Variants in ZNF3 observed in about 807,000 individuals in gnomAD.
The protein encoded by ZNF3 is C2-H2 type zinc finger protein.
ZNF3 carries 16 observed loss-of-function variants against 36.9 expected under a neutral mutation model. The observed-to-expected ratio is 0.43, with a 90% CI of 0.29 to 0.66. ZNF3 has a LOEUF of 0.66. ZNF3 is among the 30% of genes least tolerant of loss of function. The probability of loss-of-function intolerance (pLI) is 0.13; values close to 1 mark genes in which losing one functional copy is unlikely to be tolerated. For synonymous variants in ZNF3, 201 were observed against 201.9 expected (o/e 1.00, Z 0.04); for missense variants, 462 against 543.1 (o/e 0.85, Z 1.48).
In ZNF3 at chr7:100,077,293, T is replaced by C; in HGVS notation, c.55+10A>G. On this transcript the variant is annotated intron_variant, in intron 3 of 5. Coordinates refer to ENST00000299667, the MANE Select transcript of ZNF3 (RefSeq NM_032924.5). The stretch of plus-strand genomic sequence containing the variant: ...CTGAGTAAAAGAATGAATGAGTCCT[T>C]ATTCCTCACCACTGTCAAGCAGGGC... The C allele has an allele frequency of 6.2e-7, 1 of 1,613,874 alleles. No individual in the cohort carries two copies. The highest frequency in any genetic ancestry group is 1.1e-5 in the South Asian group (1 of 91,072).
intron 2 of ZNF3, chr7:100,079,078 C>T (rs1794597405): frequency 6.6e-6 from 1 of 152,284 alleles, no homozygotes; most frequent in South Asian, 2.1e-4. Context: ...ACAAGCCAGG[C>T]CACTGGCAAT....
chr7:100,070,889 T>C lies in ZNF3; in HGVS notation c.*254A>G. On this transcript the variant is annotated 3_prime_UTR_variant, in exon 6 of 6. Transcript: ENST00000299667. ...CTCTGCTGTGAGAAAAACAGTTTAGTGCAAACTCCTTTCCTAAATGGGGTA... is the reference window on the plus strand; with the variant it reads ...CTCTGCTGTGAGAAAAACAGTTTAGCGCAAACTCCTTTCCTAAATGGGGTA... 5 of 1,275,890 alleles carry C rather than the reference T, an allele frequency of 3.9e-6. No individual in the cohort carries two copies. The highest frequency in any genetic ancestry group is 4.9e-6 in the Non-Finnish European group (5 of 1,011,510). The allele number at this position is 1,275,890 out of a possible 1,614,324, so 79.0% of individuals were successfully genotyped here. A position where few individuals can be genotyped will look rare whatever the true frequency, so the allele number is the denominator to read the frequency against.
At chr7:100,077,189 T>C in intron 3 of ZNF3, 114 bp downstream of exon 3, 2 of 1,293,584 alleles carry the variant, frequency 1.5e-6, no homozygotes, top group Non-Finnish European at 2.2e-6. Context: ...GCGAAGAGTG[T>C]GTCTTATTCA....
At chr7:100,065,489 A>G (rs1224880248), downstream of ZNF3, among the ~76,000 whole-genome samples, 1 of 151,946 alleles carries the variant, frequency 6.6e-6, no homozygotes. Context: ...GCCAGGGGCC[A>G]TGTTGAACTG....
In ZNF3 at chr7:100,070,161, T is replaced by G; in HGVS notation, c.*982A>C. ...CTTCTCTGGGCTTCGTTTTTTTGTT[T>G]TTTTGTTTTTTTTTTCTCCCTTTTG... On this transcript the variant is annotated 3_prime_UTR_variant, in exon 6 of 6. Transcript: ENST00000299667. 1 of 966,678 alleles carries G rather than the reference T, an allele frequency of 1.0e-6. No homozygotes were observed. The highest frequency in any genetic ancestry group is 1.2e-6 in the Non-Finnish European group (1 of 822,982). The allele number at this position is 966,678 out of a possible 1,614,324, so 59.9% of individuals were successfully genotyped here. A position where few individuals can be genotyped will look rare whatever the true frequency, so the allele number is the denominator to read the frequency against.
In ZNF3 at chr7:100,081,481, G is replaced by C. The variant is rs1426735105; in HGVS notation, c.-198+154C>G. Among the ~76,000 whole-genome samples the C allele has an allele frequency of 6.6e-6, 1 of 152,218 alleles. No homozygotes were observed. Among genetic ancestry groups the C allele is most frequent in the Non-Finnish European group, 1.5e-5 (1 of 68,038 alleles). ...GGGGGATCCCTGGGGAAGCGGAGTA[G>C]AGGACGGGCTGCAGGGGACGGAGGG... On this transcript the variant is annotated intron_variant, in intron 1 of 5. Coordinates refer to ENST00000299667, the MANE Select transcript of ZNF3 (RefSeq NM_032924.5). The surrounding 1 kb of genome is among the most constrained non-coding windows in gnomAD (Gnocchi z 4.3).
rs1012945859 is a variant in ZNF3, at chr7:100,077,583, A to AT, written c.-76-151dup. On this transcript the variant is annotated intron_variant, in intron 2 of 5. Transcript: ENST00000299667. ...GTCTTTTATTTTCTTTTATTTTTTA[A>AT]TTTTTTTTTTCCTTTTTGTGGAGAA... 5.1e-3 allele frequency: 3,336 copies of AT among 656,964 alleles called. 1 individual carries two copies. The highest frequency in any genetic ancestry group is 6.1e-3 in the Middle Eastern group (12 of 1,976). The allele number at this position is 656,964 out of a possible 1,614,324, so 40.7% of individuals were successfully genotyped here. A position where few individuals can be genotyped will look rare whatever the true frequency, so the allele number is the denominator to read the frequency against.
Position 100,070,797 on chromosome 7 carries a change from A to T in ZNF3, c.*346T>A. The T allele has an allele frequency of 9.3e-7, 1 of 1,069,716 alleles. No individual in the cohort carries two copies. Among genetic ancestry groups the T allele is most frequent in the African/African-American group, 1.7e-5 (1 of 60,092 alleles). The allele number at this position is 1,069,716 out of a possible 1,614,324, so 66.3% of individuals were successfully genotyped here. A position where few individuals can be genotyped will look rare whatever the true frequency, so the allele number is the denominator to read the frequency against. On this transcript the variant is annotated 3_prime_UTR_variant, in exon 6 of 6. Transcript: ENST00000299667. ...ACTGCTGTCTGTGCTGACTACGCGG[A>T]CTCCAACTAAAGGAATCCATCGAAT...
At chr7:100,065,026 T>C (rs1792575482), downstream of ZNF3, 1 of 1,350,146 alleles carries the variant, frequency 7.4e-7, no homozygotes, top group African/African-American at 1.5e-5. Context: ...AGAATAAACT[T>C]ATAACATCTT....
downstream of ZNF3, among the ~76,000 whole-genome samples, chr7:100,066,496 C>T (rs984256727): frequency 2.0e-5 from 3 of 149,826 alleles, no homozygotes; most frequent in Non-Finnish European, 4.4e-5. Context: ...CTTGGGAGGC[C>T]GAGGTGGGCG....
rs1198111958 is a variant in ZNF3, at chr7:100,070,334, C to A, written c.*809G>T. On this transcript the variant is annotated 3_prime_UTR_variant, in exon 6 of 6. Transcript: ENST00000299667. The stretch of plus-strand genomic sequence containing the variant: ...CTCCTTGAAAGCATCCTTACCCAGG[C>A]ATTTAGAGAAAATCATTTTCATCAT... 8 of 985,376 alleles carry A rather than the reference C, an allele frequency of 8.1e-6. No homozygotes were observed. In the African/African-American group the frequency reaches 1.4e-4, roughly 17 times the overall value. The allele number at this position is 985,376 out of a possible 1,614,324, so 61.0% of individuals were successfully genotyped here.
At chr7:100,064,134 T>C in exon 6 of ZNF3, 1 of 1,613,026 alleles carries the variant, frequency 6.2e-7, no homozygotes, top group African/African-American at 1.3e-5. Context: ...GTGGGAAAGC[T>C]TTCAGCCACA....
In ZNF3 at chr7:100,070,259, C is replaced by G. The variant is rs1234716490; in HGVS notation, c.*884G>C. On this transcript the variant is annotated 3_prime_UTR_variant, in exon 6 of 6. Coordinates refer to ENST00000299667, the MANE Select transcript of ZNF3 (RefSeq NM_032924.5). The stretch of plus-strand genomic sequence containing the variant: ...GGTGGAGGCAGGAGTGGTCTGGCTC[C>G]TGGGGCTGGGTGTCAGAGGTGAGAG... 1.0e-6 allele frequency: 1 copy of G among 985,364 alleles called. No individual in the cohort carries two copies. The highest frequency in any genetic ancestry group is 1.2e-6 in the Non-Finnish European group (1 of 830,028). The allele number at this position is 985,364 out of a possible 1,614,324, so 61.0% of individuals were successfully genotyped here.
chr7:100,067,546 A>C (rs908412378), downstream of ZNF3, among the ~76,000 whole-genome samples: 2 of 152,168 alleles, frequency 1.3e-5, no homozygotes, highest in Non-Finnish European at 2.9e-5. Flanking sequence ...CTGGGACTAC[A>C]GATGTGTGCC....
intron 2 of ZNF3, among the ~76,000 whole-genome samples, chr7:100,078,435 G>A (rs1794463914): frequency 6.6e-6 from 1 of 151,002 alleles, no homozygotes; most frequent in Non-Finnish European, 1.5e-5. Context: ...GGTGGAGGTT[G>A]CAGTGAGCCG....
chr7:100,071,109 C>G lies in ZNF3; in HGVS notation c.*34G>C, dbSNP rs751925174. 6.5e-7 allele frequency: 1 copy of G among 1,545,646 alleles called. No individual in the cohort carries two copies. The highest frequency in any genetic ancestry group is 1.4e-5 in the African/African-American group (1 of 72,696). On this transcript the variant is annotated 3_prime_UTR_variant, in exon 6 of 6. Coordinates refer to ENST00000299667, the MANE Select transcript of ZNF3 (RefSeq NM_032924.5). ...GGGTAAGGCAAGAGCTCTTGAGACT[C>G]AGGGAAAGTGAGGAAAATGGGTGTG...
Position 100,071,973 on chromosome 7 carries a change from T to C in ZNF3, c.511A>G (p.Ser171Gly), listed in dbSNP as rs1234502045. The C allele has an allele frequency of 1.2e-6, 2 of 1,614,084 alleles. No homozygotes were observed. The highest frequency in any genetic ancestry group is 4.5e-5 in the East Asian group (2 of 44,894). The change falls in exon 6 of 6, where the codon AGC becomes GGC. Residue 171 changes from serine (S) to glycine (G), a missense_variant. Coordinates refer to ENST00000299667, the MANE Select transcript of ZNF3 (RefSeq NM_032924.5). ...TTCCCAAAATCATTATATTTCTCGC[T>C]TCTCTCTCCCCTGGGGGTTAGCTTC... ...EEKLTPRGER[S>G]EKYNDFGNSF...
rs530966981 is a variant in ZNF3, at chr7:100,081,420, C to G, written c.-198+215G>C. Among the ~76,000 whole-genome samples, 14 of 152,348 alleles carry G rather than the reference C, an allele frequency of 9.2e-5. No homozygotes were observed. The highest frequency in any genetic ancestry group is 6.8e-3 in the Middle Eastern group (2 of 294). On this transcript the variant is annotated intron_variant, in intron 1 of 5. Coordinates refer to ENST00000299667, the MANE Select transcript of ZNF3 (RefSeq NM_032924.5). This position sits in a 1 kb window ranked among gnomAD's most constrained non-coding sequence, Gnocchi z 4.3. Reference sequence around the variant, plus strand: ...AAGTCACAAAACCAGAACCGGAGCCCCATTACTAACCCCTACGCAGGATCC... The same window carrying G: ...AAGTCACAAAACCAGAACCGGAGCCGCATTACTAACCCCTACGCAGGATCC...
At chr7:100,073,261 C>T (rs549392398) in intron 5 of ZNF3, among the ~76,000 whole-genome samples, 219 of 152,304 alleles carry the variant, frequency 1.4e-3, no homozygotes, top group Non-Finnish European at 2.2e-3. Flanking sequence ...CGTCCTGGCT[C>T]TGCTCAGGAA....
Sources: gnomAD v4.1 joint callset for allele counts (sites outside exome capture counted in the v4.1 genomes callset) on GRCh38, gnomAD v4.1.1 for gene constraint, Gnocchi (gnomAD v3.1) non-coding constraint, MANE v1.5 for transcripts, NCBI Gene and HGNC (gene_info 2026-07-23, HGNC 2026-07-21) for gene names.